Variants in PPM1L observed in about 807,000 individuals in gnomAD.
PPM1L encodes the protein protein phosphatase 1L.
A neutral mutation model predicts 31.4 loss-of-function variants in PPM1L; 13 were observed. The ratio of observed to expected loss-of-function variants is 0.41; its 90% CI spans 0.27 to 0.66. The LOEUF (loss-of-function observed/expected upper bound fraction) is 0.66, where lower values mean the gene tolerates loss of function less well. Among genes scored for constraint, PPM1L ranks in the 30% least tolerant of loss-of-function variants. The probability of loss-of-function intolerance (pLI) is 0.29; values close to 1 mark genes in which losing one functional copy is unlikely to be tolerated. For missense variants in PPM1L, 326 were observed against 453.7 expected, an observed-to-expected ratio of 0.72 and a Z score of 2.56; for synonymous variants, 184 against 175.4, an observed-to-expected ratio of 1.05 and a Z score of -0.39.
At chr3:160,954,219 T>C (rs899655828) in intron 1 of PPM1L, among the ~76,000 whole-genome samples, 4 of 152,214 alleles carry the variant, frequency 2.6e-5, no homozygotes, top group African/African-American at 9.7e-5. Flanking sequence ...CATAGAAATA[T>C]TGTTTTATTT....
rs555955506 is a variant in PPM1L at position 160,800,476 on chromosome 3, A to G, written c.399+43769A>G. ...TTGAAAATACATGATATATTGAGGT[A>G]GATTTTCTTAGTAACCTAAAATGAT... On this transcript the variant is annotated intron_variant, in intron 1 of 3. Transcript: ENST00000498165. Among the ~76,000 whole-genome samples, 388 of 152,278 alleles carry G rather than the reference A, an allele frequency of 2.5e-3. 2 individuals are homozygous for G. The highest frequency in any genetic ancestry group is 3.9e-3 in the Non-Finnish European group (268 of 68,006).
At chr3:161,030,312 C>T (rs1180454795) in intron 2 of PPM1L, among the ~76,000 whole-genome samples, 1 of 152,096 alleles carries the variant, frequency 6.6e-6, no homozygotes, top group African/African-American at 2.4e-5. Flanking sequence ...CAGCATTCAT[C>T]CCTCTTCCCC....
chr3:161,068,201 C>CT (rs923458827), intron 3 of PPM1L, among the ~76,000 whole-genome samples: 5 of 152,160 alleles, frequency 3.3e-5, no homozygotes, highest in Admixed American at 1.3e-4. Context: ...GATACTGTCT[C>CT]TATTTTGTAG....
chr3:161,007,550 A>C (rs1333304229), intron 2 of PPM1L, among the ~76,000 whole-genome samples: 2 of 152,244 alleles, frequency 1.3e-5, no homozygotes, highest in African/African-American at 4.8e-5. Context: ...CAAGCTGTTC[A>C]ACCTGCGACC....
intron 3 of PPM1L, among the ~76,000 whole-genome samples, chr3:161,066,868 G>A (rs1253615314): frequency 6.6e-6 from 1 of 152,222 alleles, no homozygotes; most frequent in Non-Finnish European, 1.5e-5. Flanking sequence ...ATACTGTTAA[G>A]TCAAAATGTG....
At chr3:160,886,292 A>G (rs1712914330) in intron 1 of PPM1L, among the ~76,000 whole-genome samples, 1 of 152,166 alleles carries the variant, frequency 6.6e-6, no homozygotes, top group African/African-American at 2.4e-5. Context: ...GTTCTGAGGA[A>G]TCTGGGCAGC....
intron 1 of PPM1L, among the ~76,000 whole-genome samples, chr3:160,835,067 C>CTTCTTCTTCTTT (rs1713663944): frequency 6.7e-6 from 1 of 148,876 alleles, no homozygotes; most frequent in African/African-American, 2.5e-5. Flanking sequence ...TCTTCTTCTT[C>CTTCTTCTTCTTT]TTCTTCTTCT....
intron 2 of PPM1L, among the ~76,000 whole-genome samples, chr3:161,038,189 C>T (rs1421478107): frequency 6.7e-6 from 1 of 148,958 alleles, no homozygotes; most frequent in Non-Finnish European, 1.5e-5. Context: ...AGCCGAGATC[C>T]CGCCGCTGCA....
intron 1 of PPM1L, among the ~76,000 whole-genome samples, chr3:160,916,003 A>G (rs553527146): frequency 2.9e-4 from 44 of 152,294 alleles, no homozygotes; most frequent in African/African-American, 1.0e-3. Flanking sequence ...GCATGGGCAA[A>G]GACTTCATGT....
At chr3:161,067,295 A>G (rs1354181337) in intron 3 of PPM1L, among the ~76,000 whole-genome samples, 1 of 152,210 alleles carries the variant, frequency 6.6e-6, no homozygotes, top group Non-Finnish European at 1.5e-5. Context: ...ACCGTCTCCA[A>G]GGAGGTTAAT....
At chr3:160,990,495 C>A (rs151076301) in intron 2 of PPM1L, among the ~76,000 whole-genome samples, 23 of 152,232 alleles carry the variant, frequency 1.5e-4, no homozygotes, top group African/African-American at 3.9e-4. Flanking sequence ...CATTAGAAGT[C>A]ATAATGGAGT....
chr3:160,871,411 G>T (rs368647650), intron 1 of PPM1L, among the ~76,000 whole-genome samples: 1 of 152,140 alleles, frequency 6.6e-6, no homozygotes. Flanking sequence ...CAGACTTAGG[G>T]GATTAGCTGT....
At chr3:160,953,819 G>A (rs1363570479) in intron 1 of PPM1L, among the ~76,000 whole-genome samples, 1 of 152,164 alleles carries the variant, frequency 6.6e-6, no homozygotes, top group Non-Finnish European at 1.5e-5. Flanking sequence ...AATATGTTGT[G>A]TAACTTTATT....
intron 2 of PPM1L, among the ~76,000 whole-genome samples, chr3:161,044,833 G>C (rs547423264): frequency 2.0e-5 from 3 of 152,138 alleles, no homozygotes; most frequent in African/African-American, 7.2e-5. Flanking sequence ...TGCCAAATTG[G>C]ATAAAGAGTC....
At chr3:160,939,958 C>T (rs1715105804) in intron 1 of PPM1L, among the ~76,000 whole-genome samples, 1 of 152,114 alleles carries the variant, frequency 6.6e-6, no homozygotes, top group Non-Finnish European at 1.5e-5. Context: ...TGTTGAATGG[C>T]TTTGACAAAA....
chr3:160,905,773 C>T (rs1041936482), intron 1 of PPM1L, among the ~76,000 whole-genome samples: 1 of 152,022 alleles, frequency 6.6e-6, no homozygotes, highest in African/African-American at 2.4e-5. Context: ...GTTTTCTGTT[C>T]TTAAAATTCT....
chr3:160,830,857 T>C (rs756393387), intron 1 of PPM1L, among the ~76,000 whole-genome samples: 1 of 152,238 alleles, frequency 6.6e-6, no homozygotes, highest in African/African-American at 2.4e-5. Context: ...ACAGCAGTAG[T>C]AGACTTAAGA....
At chr3:160,847,090 A>G (rs1180245615) in intron 1 of PPM1L, among the ~76,000 whole-genome samples, 1 of 152,148 alleles carries the variant, frequency 6.6e-6, no homozygotes, top group African/African-American at 2.4e-5. Context: ...TTCTTCTATC[A>G]TGGTGCAAAA....
At chr3:160,926,869 T>C (rs2108075986) in intron 1 of PPM1L, among the ~76,000 whole-genome samples, 1 of 152,320 alleles carries the variant, frequency 6.6e-6, no homozygotes, top group Admixed American at 6.5e-5. Context: ...AAACATACAT[T>C]GATAAAGGAA....
Sources: gnomAD v4.1 joint callset for allele counts (sites outside exome capture counted in the v4.1 genomes callset) on GRCh38, gnomAD v4.1.1 for gene constraint, MANE v1.5 for transcripts, NCBI Gene and HGNC (gene_info 2026-07-23, HGNC 2026-07-21) for gene names.